Variants in DPP10 observed in about 807,000 individuals in gnomAD.
DPP10 encodes the protein inactive dipeptidyl peptidase 10.
DPP10 carries 33 observed loss-of-function variants against 120.9 expected under a neutral mutation model. The observed-to-expected ratio is 0.27, with a 90% CI of 0.21 to 0.37. DPP10 has a LOEUF of 0.37. Among genes scored for constraint, DPP10 ranks in the 10% least tolerant of loss-of-function variants. The pLI is 1.00. For missense variants in DPP10, 816 were observed against 942.8 expected (o/e 0.87, Z 1.76); for synonymous variants, 337 against 326.1 (o/e 1.03, Z -0.36).
chr2:114,460,170 TATCTATCTATC>T (rs1163188838), intron 1 of DPP10, among the ~76,000 whole-genome samples: 6 of 2,514 alleles, frequency 2.4e-3, no homozygotes, highest in Admixed American at 0.012. Context: ...TTTGGGATGA[TATCTATCTATC>T]TATCTATCTA....
At chr2:115,030,652 A>T (rs975124565) in intron 1 of DPP10, among the ~76,000 whole-genome samples, 1 of 152,040 alleles carries the variant, frequency 6.6e-6, no homozygotes, top group African/African-American at 2.4e-5. Flanking sequence ...CTCACCTTCA[A>T]ACAGGCCCCA....
chr2:115,610,074 G>C (rs957493991), intron 5 of DPP10, among the ~76,000 whole-genome samples: 4 of 152,076 alleles, frequency 2.6e-5, no homozygotes, highest in Non-Finnish European at 4.4e-5. Flanking sequence ...TTCAGTGTGT[G>C]AACTGAGTCT....
chr2:115,501,755 G>A (rs1477343188), intron 4 of DPP10, among the ~76,000 whole-genome samples: 1 of 151,944 alleles, frequency 6.6e-6, no homozygotes, highest in Non-Finnish European at 1.5e-5. Flanking sequence ...TGATTTCAAA[G>A]GAGCTTGTTT....
chr2:114,502,179 T>C (rs1008203282), intron 1 of DPP10, among the ~76,000 whole-genome samples: 12 of 152,164 alleles, frequency 7.9e-5, no homozygotes, highest in Non-Finnish European at 1.5e-4. Context: ...GGTCTTGAAC[T>C]CCTGACCTTA....
At chr2:115,378,185 G>A (rs944734527) in intron 3 of DPP10, among the ~76,000 whole-genome samples, 3 of 152,258 alleles carry the variant, frequency 2.0e-5, no homozygotes, top group East Asian at 3.9e-4. Context: ...CTACCCATGA[G>A]CATGGAATGT....
chr2:114,701,498 A>G (rs932130063), intron 1 of DPP10, among the ~76,000 whole-genome samples: 4 of 152,280 alleles, frequency 2.6e-5, no homozygotes, highest in Admixed American at 2.6e-4. Context: ...TTATTATAAA[A>G]TATTCTTTAA....
intron 5 of DPP10, among the ~76,000 whole-genome samples, chr2:115,641,942 G>T (rs887967516): frequency 1.3e-5 from 2 of 152,150 alleles, no homozygotes; most frequent in African/African-American, 4.8e-5. Flanking sequence ...ACCAACTTCT[G>T]CCTTAAGCAG....
intron 1 of DPP10, among the ~76,000 whole-genome samples, chr2:114,725,056 G>T (rs1324153329): frequency 2.6e-5 from 4 of 152,100 alleles, no homozygotes; most frequent in African/African-American, 9.7e-5. Flanking sequence ...AAAAATTCCT[G>T]TCAAACAACT....
chr2:115,729,802 GAGAGAGAGAGAGA>G (rs1420447493), intron 8 of DPP10, among the ~76,000 whole-genome samples: 3 of 34,548 alleles, frequency 8.7e-5, no homozygotes, highest in Admixed American at 4.4e-4. Context: ...GAGAGAAAAA[GAGAGAGAGAGAGA>G]AGAGAGAGAG....
chr2:115,577,301 T>C (rs2081735487), intron 5 of DPP10, among the ~76,000 whole-genome samples: 1 of 152,138 alleles, frequency 6.6e-6, no homozygotes, highest in African/African-American at 2.4e-5. Context: ...ATAAAATGAG[T>C]GTGATCCTCT....
chr2:115,151,586 T>G (rs1237047049), intron 1 of DPP10, among the ~76,000 whole-genome samples: 1 of 152,058 alleles, frequency 6.6e-6, no homozygotes, highest in Non-Finnish European at 1.5e-5. Flanking sequence ...TTTCTGTATT[T>G]TTAGTAGAGC....
In DPP10 at chr2:115,565,175, A is replaced by T. The variant is rs568979173; in HGVS notation, c.441+39203A>T. ...TATATGTATGTAGGTGTCCCTGAAG[A>T]TAATTTACATTTTTGTTTTATATGT... On this transcript the variant is annotated intron_variant, in intron 5 of 25. Transcript: ENST00000410059. Among the ~76,000 whole-genome samples, 6 of 152,330 alleles carry T rather than the reference A, an allele frequency of 3.9e-5. No homozygotes were observed. The East Asian group carries it at 1.2e-3, about 29-fold the overall frequency.
intron 10 of DPP10, among the ~76,000 whole-genome samples, chr2:115,747,830 T>C (rs12990715): frequency 0.27 from 40,612 of 152,026 alleles, 5,758 homozygotes; most frequent in Middle Eastern, 0.44. Context: ...CTTGACCTCG[T>C]GATCCGCCCG....
chr2:114,731,325 T>G (rs1574061542), intron 1 of DPP10, among the ~76,000 whole-genome samples: 1 of 152,182 alleles, frequency 6.6e-6, no homozygotes, highest in East Asian at 1.9e-4. Context: ...TTTGTCTTTA[T>G]TGTCCTTGAT....
intron 1 of DPP10, among the ~76,000 whole-genome samples, chr2:114,858,072 C>T (rs1351417451): frequency 6.6e-6 from 1 of 152,218 alleles, no homozygotes; most frequent in Non-Finnish European, 1.5e-5. Context: ...TCACTGTAAC[C>T]TCCACCTCCC....
intron 7 of DPP10, among the ~76,000 whole-genome samples, chr2:115,691,115 C>CT (rs556982150): frequency 0.012 from 1,793 of 146,590 alleles, 31 homozygotes; most frequent in African/African-American, 0.037. Flanking sequence ...ATTTTTTATT[C>CT]TTTTTTTTTT....
At chr2:114,609,467 C>T (rs1242564213) in intron 1 of DPP10, among the ~76,000 whole-genome samples, 2 of 152,020 alleles carry the variant, frequency 1.3e-5, no homozygotes, top group South Asian at 2.1e-4. Context: ...GTGGTCCCAG[C>T]GGTGCCTGTG....
At chr2:115,736,991 G>A (rs1353462915) in intron 8 of DPP10, among the ~76,000 whole-genome samples, 2 of 152,050 alleles carry the variant, frequency 1.3e-5, no homozygotes, top group Non-Finnish European at 1.5e-5. Context: ...CTCCTACCAC[G>A]AACAGTGGAC....
intron 1 of DPP10, among the ~76,000 whole-genome samples, chr2:114,727,870 A>T (rs1001473881): frequency 1.3e-5 from 2 of 152,190 alleles, no homozygotes; most frequent in African/African-American, 2.4e-5. Flanking sequence ...AGTGTCTATT[A>T]TCTGTCTATC....
Sources: gnomAD v4.1 joint callset for allele counts (sites outside exome capture counted in the v4.1 genomes callset) on GRCh38, gnomAD v4.1.1 for gene constraint, MANE v1.5 for transcripts, NCBI Gene and HGNC (gene_info 2026-07-23, HGNC 2026-07-21) for gene names.